MBOAT1: variants seen among roughly 807,000 people sequenced by gnomAD.
MBOAT1 encodes the protein membrane-bound glycerophospholipid O-acyltransferase 1.
In MBOAT1, 67 loss-of-function variants were observed where a neutral mutation model predicts 64.4. That is an observed-to-expected ratio of 1.04 (90% confidence interval 0.85 to 1.27). MBOAT1 has a LOEUF of 1.27. Ranked by LOEUF, MBOAT1 falls within the 50% of genes most tolerant of loss-of-function variation. The probability of loss-of-function intolerance (pLI) is 0.00; values close to 1 mark genes in which losing one functional copy is unlikely to be tolerated. For synonymous variants in MBOAT1, 229 were observed against 218.9 expected, an observed-to-expected ratio of 1.05 and a Z score of -0.41; for missense variants, 563 against 604.6, an observed-to-expected ratio of 0.93 and a Z score of 0.72.
intron 1 of MBOAT1, among the ~76,000 whole-genome samples, chr6:20,156,051 G>A (rs1340121368): frequency 1.1e-4 from 17 of 152,090 alleles, no homozygotes; most frequent in Admixed American, 1.1e-3. Flanking sequence ...GGCAGATCAC[G>A]AGGTCAGGAG....
At chr6:20,206,268 G>T (rs762887619) in intron 1 of MBOAT1, among the ~76,000 whole-genome samples, 5 of 152,130 alleles carry the variant, frequency 3.3e-5, no homozygotes, top group Non-Finnish European at 7.3e-5. Flanking sequence ...CCCCATCCTG[G>T]GTTCAAGTGA....
At chr6:20,185,319 G>A (rs757740066) in intron 1 of MBOAT1, among the ~76,000 whole-genome samples, 1 of 152,178 alleles carries the variant, frequency 6.6e-6, no homozygotes, top group Non-Finnish European at 1.5e-5. Flanking sequence ...CTAGGCCAAA[G>A]TACCCAGATA....
intron 1 of MBOAT1, 154 bp downstream of exon 1, chr6:20,211,982 A>G: frequency 1.7e-6 from 1 of 599,252 alleles, no homozygotes; most frequent in Admixed American, 3.3e-5. Context: ...ACACACACAC[A>G]CACACACACA....
At chr6:20,143,910 T>A (rs1213252161) in intron 4 of MBOAT1, among the ~76,000 whole-genome samples, 1 of 152,228 alleles carries the variant, frequency 6.6e-6, no homozygotes, top group East Asian at 1.9e-4. Context: ...GCCACTGTAG[T>A]GCAAAAGCAC....
At chr6:20,165,027 G>A (rs144631866) in intron 1 of MBOAT1, among the ~76,000 whole-genome samples, 3 of 152,266 alleles carry the variant, frequency 2.0e-5, no homozygotes, top group African/African-American at 7.2e-5. Flanking sequence ...GATAGGTTGG[G>A]CATATTAAAT....
Position 20,100,434 on chromosome 6 carries a change from G to A in MBOAT1, c.*1852C>T, listed in dbSNP as rs764782220. On this transcript the variant is annotated 3_prime_UTR_variant, in exon 13 of 13. Coordinates refer to ENST00000324607, the MANE Select transcript of MBOAT1 (RefSeq NM_001080480.3). ...TATCTAAGATTCTTCCTGGGACAGCGAAGTAGGGTTGCCCCAAGATTTCCT... is the reference window on the plus strand; with the variant it reads ...TATCTAAGATTCTTCCTGGGACAGCAAAGTAGGGTTGCCCCAAGATTTCCT... Among the ~76,000 whole-genome samples the A allele has an allele frequency of 6.6e-6, 1 of 152,124 alleles. No individual in the cohort carries two copies. The highest frequency in any genetic ancestry group is 2.1e-4 in the South Asian group (1 of 4,820).
chr6:20,153,064 G>A (rs1346885091), intron 1 of MBOAT1, among the ~76,000 whole-genome samples: 1 of 152,152 alleles, frequency 6.6e-6, no homozygotes, highest in African/African-American at 2.4e-5. Context: ...TCGATCTCCT[G>A]ACCTCCTGAT....
intron 1 of MBOAT1, among the ~76,000 whole-genome samples, chr6:20,211,200 G>A (rs1222111420): frequency 1.3e-5 from 2 of 152,162 alleles, no homozygotes; most frequent in Admixed American, 6.5e-5. Flanking sequence ...TGCGCAAAGG[G>A]CAGCAGGTGT....
At chr6:20,133,967 C>T (rs1008259854) in intron 4 of MBOAT1, among the ~76,000 whole-genome samples, 2 of 152,180 alleles carry the variant, frequency 1.3e-5, no homozygotes, top group Non-Finnish European at 2.9e-5. Flanking sequence ...GACACTTAGG[C>T]AGACCCCTCC....
In MBOAT1 at chr6:20,111,850, A is replaced by ATATACGCG. The variant is rs1561746309; in HGVS notation, c.1209+1025_1209+1026insCGCGTATA. Reference sequence around the variant, plus strand: ...CATATATATACACATATATATACATATATATATACATATATATACATATAT... The same window carrying ATATACGCG: ...CATATATATACACATATATATACATATATACGCGTATATATACATATATATACATATAT... On this transcript the variant is annotated intron_variant, in intron 11 of 12. Transcript: ENST00000324607. Among the ~76,000 whole-genome samples, 222 of 93,326 alleles carry ATATACGCG rather than the reference A, an allele frequency of 2.4e-3. 2 individuals carry two copies. The highest frequency in any genetic ancestry group is 8.4e-3 in the African/African-American group (208 of 24,712). The allele number at this position is 93,326 out of a possible 152,430, so 61.2% of individuals were successfully genotyped here.
chr6:20,204,829 T>C (rs1763217303), intron 1 of MBOAT1, among the ~76,000 whole-genome samples: 2 of 152,140 alleles, frequency 1.3e-5, no homozygotes, highest in Admixed American at 1.3e-4. Flanking sequence ...CAGACCTGAG[T>C]TCGAGTCCTG....
chr6:20,197,595 C>G (rs1046374780), intron 1 of MBOAT1, among the ~76,000 whole-genome samples: 2 of 152,150 alleles, frequency 1.3e-5, no homozygotes, highest in Non-Finnish European at 2.9e-5. Flanking sequence ...CAAAAGAATG[C>G]AACATTTGTC....
chr6:20,174,209 T>G (rs541064340), intron 1 of MBOAT1, among the ~76,000 whole-genome samples: 1 of 152,198 alleles, frequency 6.6e-6, no homozygotes, highest in Non-Finnish European at 1.5e-5. Context: ...CCTAGCACAG[T>G]GCCTGGCACA....
chr6:20,107,767 G>T (rs560607381), intron 12 of MBOAT1, among the ~76,000 whole-genome samples: 1 of 151,664 alleles, frequency 6.6e-6, no homozygotes, highest in South Asian at 2.1e-4. Flanking sequence ...GGCAATATCA[G>T]GGGCTTAGAA....
intron 1 of MBOAT1, among the ~76,000 whole-genome samples, chr6:20,165,054 C>T (rs769287789): frequency 1.3e-5 from 2 of 152,138 alleles, no homozygotes; most frequent in Non-Finnish European, 2.9e-5. Flanking sequence ...TTTGATTTTT[C>T]TGATATTTTC....
intron 1 of MBOAT1, among the ~76,000 whole-genome samples, chr6:20,208,363 G>A (rs188067229): frequency 2.0e-5 from 3 of 149,884 alleles, no homozygotes; most frequent in African/African-American, 7.3e-5. Context: ...GGAGAATCAC[G>A]TGAACCTGGG....
intron 4 of MBOAT1, among the ~76,000 whole-genome samples, chr6:20,132,359 T>C (rs949744057): frequency 1.8e-4 from 27 of 152,204 alleles, no homozygotes; most frequent in African/African-American, 6.3e-4. Flanking sequence ...AAGTAGAAGA[T>C]ACATTTGTAA....
rs575225768 is a variant in MBOAT1 at position 20,164,559 on chromosome 6, A to C, written c.100-11790T>G. Among the ~76,000 whole-genome samples the C allele has an allele frequency of 2.0e-5, 3 of 152,296 alleles. No individual in the cohort carries two copies. In the South Asian group the frequency reaches 6.2e-4, roughly 32 times the overall value. ...CAACCAAAGATCTGTTTTTTTGAAA[A>C]ATTAAAATTTAAAGTGACTGATTTT... On this transcript the variant is annotated intron_variant, in intron 1 of 12. Transcript: ENST00000324607.
At chr6:20,191,954 C>A (rs1251107197) in intron 1 of MBOAT1, among the ~76,000 whole-genome samples, 1 of 152,090 alleles carries the variant, frequency 6.6e-6, no homozygotes, top group Non-Finnish European at 1.5e-5. Flanking sequence ...TTGGAAGAGA[C>A]AGAAAGAAGT....
Sources: allele counts gnomAD v4.1 joint callset (sites outside exome capture counted in the v4.1 genomes callset), GRCh38; gene constraint gnomAD v4.1.1; transcripts MANE v1.5; gene names NCBI Gene and HGNC (gene_info 2026-07-23, HGNC 2026-07-21).